The following RBM5 variants were observed in gnomAD, a reference collection of about 807,000 sequenced individuals.
The protein encoded by RBM5 is RNA binding motif protein 5.
A neutral mutation model predicts 124.6 loss-of-function variants in RBM5; 15 were observed. The ratio of observed to expected loss-of-function variants is 0.12; its 90% CI spans 0.08 to 0.19. The LOEUF (loss-of-function observed/expected upper bound fraction) is 0.19, where lower values mean the gene tolerates loss of function less well. Ranked by LOEUF, RBM5 falls within the 10% of genes least tolerant of loss-of-function variation. The pLI is 1.00. For synonymous variants in RBM5, 337 were observed against 361.2 expected, an observed-to-expected ratio of 0.93 and a Z score of 0.76; for missense variants, 580 against 1,026.5, an observed-to-expected ratio of 0.57 and a Z score of 5.94.
At chr3:50,094,181 G>A in intron 4 of RBM5, 1 of 175,440 alleles carries the variant, frequency 5.7e-6, no homozygotes, top group Non-Finnish European at 1.2e-5. Context: ...TTTTAAGACA[G>A]AGTCTTGCTC....
intron 3 of RBM5, among the ~76,000 whole-genome samples, chr3:50,093,459 AAC>A (rs2090746684): frequency 1.3e-5 from 2 of 149,774 alleles, no homozygotes; most frequent in African/African-American, 2.5e-5. Context: ...AAAAAAAGAA[AAC>A]ACAGCAGGCT....
At position 50,105,159 on chromosome 3, in the gene RBM5, T is replaced by C. The variant is rs1483914345; in HGVS notation, c.694+17T>C. 1 of 1,550,894 alleles carries C rather than the reference T, an allele frequency of 6.4e-7. No individual in the cohort carries two copies. The highest frequency in any genetic ancestry group is 1.7e-5 in the Admixed American group (1 of 59,576). On this transcript the variant is annotated intron_variant, in intron 9 of 24. Transcript: ENST00000347869. Reference sequence around the variant, plus strand: ...ACTGTGATAGTAAGTTCATACACGATCTTTTGGTCTTCATGTTAAAAATTG... The same window carrying C: ...ACTGTGATAGTAAGTTCATACACGACCTTTTGGTCTTCATGTTAAAAATTG...
At chr3:50,105,453 C>A in intron 9 of RBM5, 96 bp from the exon 10 acceptor site, 1 of 1,303,796 alleles carries the variant, frequency 7.7e-7, no homozygotes. Context: ...AGGAATGTCA[C>A]AAATGGATTT....
At chr3:50,108,781 C>T (rs1355908100) in intron 14 of RBM5, among the ~76,000 whole-genome samples, 1 of 152,040 alleles carries the variant, frequency 6.6e-6, no homozygotes, top group Non-Finnish European at 1.5e-5. Context: ...GGGAAGAATA[C>T]GGTTATTTGT....
At chr3:50,104,598 A>C in intron 8 of RBM5, 1 of 356,122 alleles carries the variant, frequency 2.8e-6, no homozygotes. Flanking sequence ...AGCTATGGTC[A>C]TACCACTGCA....
At chr3:50,090,346 T>G in intron 1 of RBM5, 36 bp from the exon 2 acceptor site, 1 of 1,460,002 alleles carries the variant, frequency 6.8e-7, no homozygotes, top group African/African-American at 1.4e-5. Flanking sequence ...AAGTGATCTC[T>G]GAGATTTATA....
rs759580160 is a variant in RBM5, at chr3:50,113,570, C to G, written c.1617+26C>G. The G allele has an allele frequency of 1.9e-6, 3 of 1,592,268 alleles. No homozygotes were observed. The South Asian group carries it at 3.4e-5, about 18-fold the overall frequency. On this transcript the variant is annotated intron_variant, in intron 18 of 24. Coordinates refer to ENST00000347869, the MANE Select transcript of RBM5 (RefSeq NM_005778.4). ...GTTAGAACATGACCCATATTTCTTT[C>G]ATTGAGGTATTGGGCTGAACTCTTA...
chr3:50,112,333 G>A (rs538751311), intron 17 of RBM5, among the ~76,000 whole-genome samples: 24 of 149,904 alleles, frequency 1.6e-4, no homozygotes, highest in African/African-American at 5.7e-4. Context: ...GGAGAATGGC[G>A]TGAACCCGGG....
At chr3:50,114,471 T>C in intron 20 of RBM5, 1 of 516,004 alleles carries the variant, frequency 1.9e-6, no homozygotes. Flanking sequence ...ATTCCTAAGC[T>C]CAGTTAATTA....
chr3:50,107,667 C>CTGTTCTTTTTTT, intron 12 of RBM5, 98 bp downstream of exon 12: 1 of 135,136 alleles, frequency 7.4e-6, no homozygotes, highest in Non-Finnish European at 1.3e-5. Flanking sequence ...GAGCTCTTTT[C>CTGTTCTTTTTTT]TTTTCTTTTT....
At chr3:50,108,885 A>G (rs922159607) in intron 14 of RBM5, among the ~76,000 whole-genome samples, 2 of 152,164 alleles carry the variant, frequency 1.3e-5, no homozygotes, top group East Asian at 3.9e-4. Flanking sequence ...CTGTGTTTGG[A>G]GTCGTGAGTG....
At chr3:50,116,667 G>A (rs1292311606) in intron 22 of RBM5, 1 of 260,886 alleles carries the variant, frequency 3.8e-6, no homozygotes, top group Non-Finnish European at 7.5e-6. Flanking sequence ...TGCTGAACAG[G>A]TCTCTGGAAG....
At chr3:50,094,040 T>G (rs1320582556) in intron 4 of RBM5, 165 bp downstream of exon 4, 2 of 625,486 alleles carry the variant, frequency 3.2e-6, no homozygotes, top group Non-Finnish European at 2.6e-6. Flanking sequence ...TTTTTTAATA[T>G]TTGCATTTAC....
intron 4 of RBM5, among the ~76,000 whole-genome samples, chr3:50,097,845 A>C (rs2090852109): frequency 6.6e-6 from 1 of 152,208 alleles, no homozygotes; most frequent in African/African-American, 2.4e-5. Context: ...TCACGCCTGT[A>C]ATCCCAGCAC....
At chr3:50,096,690 A>C (rs1429252898) in intron 4 of RBM5, among the ~76,000 whole-genome samples, 1 of 151,330 alleles carries the variant, frequency 6.6e-6, no homozygotes, top group Non-Finnish European at 1.5e-5. Context: ...TTTGGGGCTC[A>C]GGCAATCCAC....
chr3:50,107,354 C>A, intron 11 of RBM5, 128 bp from the exon 12 acceptor site: 2 of 733,508 alleles, frequency 2.7e-6, no homozygotes, highest in Non-Finnish European at 4.8e-6. Flanking sequence ...GAGCCCTCCC[C>A]CTGTGAAATG....
chr3:50,102,009 G>C (rs1317574963), intron 6 of RBM5: 1 of 152,160 alleles, frequency 6.6e-6, no homozygotes, highest in Non-Finnish European at 1.5e-5. Context: ...AGATATCGCA[G>C]AGACAAAATT....
Position 50,117,890 on chromosome 3 carries a change from T to C in RBM5, c.2323-441T>C, listed in dbSNP as rs566955443. The C allele has an allele frequency of 1.4e-4, 25 of 179,260 alleles. No homozygotes were observed. In the South Asian group the frequency reaches 1.5e-3, roughly 10 times the overall value. The allele number at this position is 179,260 out of a possible 1,614,324, so 11.1% of individuals were successfully genotyped here. The stretch of plus-strand genomic sequence containing the variant: ...ATCGGAGGCCCCTACCCACTGGCCT[T>C]CTAGGCAGGAGCTCCACCCGTAATT... On this transcript the variant is annotated intron_variant, in intron 24 of 24. Transcript: ENST00000347869. This position sits in a 1 kb window ranked among gnomAD's most constrained non-coding sequence, Gnocchi z 4.2.
At chr3:50,110,850 T>C in intron 17 of RBM5, 80 bp downstream of exon 17, 2 of 1,168,924 alleles carry the variant, frequency 1.7e-6, no homozygotes, top group Non-Finnish European at 2.4e-6. Context: ...ATGAAATATT[T>C]CCTGCAAAAG....
Sources: gnomAD v4.1 joint callset for allele counts (sites outside exome capture counted in the v4.1 genomes callset) on GRCh38, gnomAD v4.1.1 for gene constraint, Gnocchi (gnomAD v3.1) non-coding constraint, MANE v1.5 for transcripts, NCBI Gene and HGNC (gene_info 2026-07-23, HGNC 2026-07-21) for gene names.